RBFOX3: variants seen among roughly 807,000 people sequenced by gnomAD.
The protein encoded by RBFOX3 is RNA binding fox-1 homolog 3, also known as RNA binding protein fox-1 homolog 3.
Under a neutral mutation model 48.7 loss-of-function variants are expected in RBFOX3, and 17 were observed. The observed-to-expected ratio is 0.35, with a 90% CI of 0.24 to 0.52. The LOEUF is 0.52. Ranked by LOEUF, RBFOX3 falls within the 20% of genes least tolerant of loss-of-function variation. RBFOX3 has a pLI of 0.94. For missense variants in RBFOX3, 382 were observed against 497.5 expected (o/e 0.77, Z 2.21); for synonymous variants, 212 against 209.5 (o/e 1.01, Z -0.10).
chr17:79,558,322 T>C lies in RBFOX3; in HGVS notation c.-320+52504A>G, dbSNP rs989073797. Among the ~76,000 whole-genome samples, 16 of 151,300 alleles carry C rather than the reference T, an allele frequency of 1.1e-4. No homozygotes were observed. The South Asian group carries it at 1.7e-3, about 16-fold the overall frequency. ...AAAATATTTGCTAACACAGAGAGAG[T>C]GAGAGCCAGGATCTCCCGCCCTGTG... On this transcript the variant is annotated intron_variant, in intron 1 of 14. Coordinates refer to ENST00000693108, the MANE Select transcript of RBFOX3 (RefSeq NM_001350451.2).
chr17:79,583,234 C>T lies in RBFOX3; in HGVS notation c.-320+27592G>A, dbSNP rs892289307. 2.7e-3 allele frequency among the ~76,000 whole-genome samples: 415 copies of T among 152,308 alleles called. 6 individuals carry two copies. Among genetic ancestry groups the T allele is most frequent in the South Asian group, 0.018 (88 of 4,824 alleles). On this transcript the variant is annotated intron_variant, in intron 1 of 14. Transcript: ENST00000693108. ...TCAGCTTCCTCCTGGTAAAGCAGGG[C>T]CCTCTTTCACAGGGATGCTTTGAGG...
chr17:79,532,243 T>C (rs904298227), intron 1 of RBFOX3, among the ~76,000 whole-genome samples: 9 of 152,092 alleles, frequency 5.9e-5, no homozygotes, highest in Non-Finnish European at 1.3e-4. Flanking sequence ...TCCCCCTTTG[T>C]ACACGTTATC....
chr17:79,377,911 C>T (rs1299073919), intron 2 of RBFOX3, among the ~76,000 whole-genome samples: 1 of 152,216 alleles, frequency 6.6e-6, no homozygotes, highest in African/African-American at 2.4e-5. Flanking sequence ...ATATCTCCGT[C>T]AGGCCCAGGG....
chr17:79,457,331 G>A (rs1270140509), intron 2 of RBFOX3, among the ~76,000 whole-genome samples: 2 of 152,220 alleles, frequency 1.3e-5, no homozygotes, highest in African/African-American at 2.4e-5. Flanking sequence ...ACCATGTGGT[G>A]TGTGCCATCA....
At chr17:79,607,393 T>G (rs1194229966) in intron 1 of RBFOX3, among the ~76,000 whole-genome samples, 1 of 152,172 alleles carries the variant, frequency 6.6e-6, no homozygotes, top group Non-Finnish European at 1.5e-5. Context: ...TTGCAGGCTC[T>G]GGGCTGGGCT....
In RBFOX3 at chr17:79,199,135, C is replaced by T. The variant is rs1201201246; in HGVS notation, c.-34+36631G>A. Among the ~76,000 whole-genome samples the T allele has an allele frequency of 6.6e-6, 1 of 152,100 alleles. No homozygotes were observed. Among genetic ancestry groups the T allele is most frequent in the African/African-American group, 2.4e-5 (1 of 41,386 alleles). On this transcript the variant is annotated intron_variant, in intron 4 of 14. Transcript: ENST00000693108. The surrounding 1 kb of genome is among the most constrained non-coding windows in gnomAD (Gnocchi z 5.1). ...GGCTGTCTCCATGGAGTGAAAGCTGCCCAGCAAAGGGTGCAGCTGTGGTCA... is the reference window on the plus strand; with the variant it reads ...GGCTGTCTCCATGGAGTGAAAGCTGTCCAGCAAAGGGTGCAGCTGTGGTCA...
chr17:79,331,581 C>T (rs1204985906), intron 2 of RBFOX3, among the ~76,000 whole-genome samples: 1 of 152,240 alleles, frequency 6.6e-6, no homozygotes, highest in Non-Finnish European at 1.5e-5. Context: ...TAGACGTTTT[C>T]ACAAATGCAG....
chr17:79,214,730 C>G lies in RBFOX3; in HGVS notation c.-34+21036G>C, dbSNP rs551401143. The stretch of plus-strand genomic sequence containing the variant: ...GGGGAGGCTGGAGGCCCAGGGGCCC[C>G]CAGCTACTAGACGGCCCTAGGAAAC... On this transcript the variant is annotated intron_variant, in intron 4 of 14. Transcript: ENST00000693108. The surrounding 1 kb of genome is among the most constrained non-coding windows in gnomAD (Gnocchi z 4.7). Among the ~76,000 whole-genome samples, 1 of 151,898 alleles carries G rather than the reference C, an allele frequency of 6.6e-6. No homozygotes were observed. The highest frequency in any genetic ancestry group is 1.5e-5 in the Non-Finnish European group (1 of 67,946).
chr17:79,448,516 C>G (rs7222798), intron 2 of RBFOX3, among the ~76,000 whole-genome samples: 64,824 of 151,876 alleles, frequency 0.43, 14,030 homozygotes, highest in South Asian at 0.47. Context: ...GCAGCAATGC[C>G]TCTCCAAGCC....
rs1424650358 is a variant in RBFOX3 at position 79,242,984 on chromosome 17, A to G, written c.-73-7179T>C. ...CTGCTGTGGGCCCCGTGACAGCAGC[A>G]TGCATGCCTAGCACTTGCTGAATGT... On this transcript the variant is annotated intron_variant, in intron 3 of 14. Transcript: ENST00000693108. The surrounding 1 kb of genome is among the most constrained non-coding windows in gnomAD (Gnocchi z 5.8). Among the ~76,000 whole-genome samples the G allele has an allele frequency of 4.6e-5, 7 of 152,150 alleles. No individual in the cohort carries two copies. The highest frequency in any genetic ancestry group is 1.7e-4 in the African/African-American group (7 of 41,434).
intron 2 of RBFOX3, among the ~76,000 whole-genome samples, chr17:79,322,890 A>G (rs2146076241): frequency 6.6e-6 from 1 of 152,340 alleles, no homozygotes; most frequent in South Asian, 2.1e-4. Flanking sequence ...CCGACTGTCT[A>G]CACAGCTCAA....
chr17:79,620,677 G>A, the RBFOX3 span, among the ~76,000 whole-genome samples: 1 of 144,318 alleles, frequency 6.9e-6, no homozygotes, highest in Non-Finnish European at 1.5e-5. Flanking sequence ...ATGCACACAC[G>A]CACATGCACA....
chr17:79,349,316 C>T (rs565759132), intron 2 of RBFOX3, among the ~76,000 whole-genome samples: 5 of 152,218 alleles, frequency 3.3e-5, no homozygotes, highest in South Asian at 2.1e-4. Flanking sequence ...CACTCGCACT[C>T]CTCTGCCCAC....
chr17:79,112,910 G>T (rs1053895837), intron 5 of RBFOX3, among the ~76,000 whole-genome samples: 1 of 138,366 alleles, frequency 7.2e-6, no homozygotes, highest in Non-Finnish European at 1.6e-5. Context: ...CTCTCGGGGG[G>T]GGGGTGGGCT....
intron 1 of RBFOX3, among the ~76,000 whole-genome samples, chr17:79,582,628 T>C (rs1389573901): frequency 6.6e-6 from 1 of 151,614 alleles, no homozygotes; most frequent in Non-Finnish European, 1.5e-5. Context: ...AAAGACCTCA[T>C]CTCTACAAAA....
chr17:79,614,572 C>T (rs2093987034), upstream of RBFOX3, among the ~76,000 whole-genome samples: 5 of 152,290 alleles, frequency 3.3e-5, no homozygotes, highest in South Asian at 2.1e-4. Flanking sequence ...AGAGCGGGGC[C>T]GACTTCGAGG....
At chr17:79,215,994 A>G (rs62062885) in intron 4 of RBFOX3, among the ~76,000 whole-genome samples, 9,379 of 152,350 alleles carry the variant, frequency 0.062, 431 homozygotes, top group Admixed American at 0.12. Flanking sequence ...CAGCGGACGC[A>G]GGGCTGGAGC....
At chr17:79,380,215 C>A (rs1427614385) in intron 2 of RBFOX3, among the ~76,000 whole-genome samples, 2 of 152,214 alleles carry the variant, frequency 1.3e-5, no homozygotes, top group East Asian at 3.9e-4. Context: ...CCCCAGGCTG[C>A]CAAGCCCATC....
intron 3 of RBFOX3, among the ~76,000 whole-genome samples, chr17:79,253,149 A>C (rs1487398290): frequency 1.3e-5 from 2 of 152,142 alleles, no homozygotes; most frequent in African/African-American, 2.4e-5. Flanking sequence ...GACACCGCAG[A>C]GGGAGGTAAC....
Sources: allele counts gnomAD v4.1 joint callset (sites outside exome capture counted in the v4.1 genomes callset), GRCh38; gene constraint gnomAD v4.1.1; non-coding constraint Gnocchi (gnomAD v3.1); transcripts MANE v1.5; gene names NCBI Gene and HGNC (gene_info 2026-07-23, HGNC 2026-07-21).